The following MAP3K15 variants were observed in gnomAD, a reference collection of about 807,000 sequenced individuals.
MAP3K15 encodes the protein mitogen-activated protein kinase kinase kinase 15, also known as MAPK/ERK kinase kinase 15.
A neutral mutation model predicts 99.5 loss-of-function variants in MAP3K15; 124 were observed. The ratio of observed to expected loss-of-function variants is 1.25; its 90% CI spans 1.08 to 1.45. The LOEUF (loss-of-function observed/expected upper bound fraction) is 1.45. MAP3K15 is among the 40% of genes most tolerant of loss of function. The pLI is 0.00. For synonymous variants in MAP3K15, 494 were observed against 439.6 expected (o/e 1.12, Z -1.55); for missense variants, 1,242 against 1,079.7 (o/e 1.15, Z -2.11).
chrX:19,436,255 T>G (rs1247146744), intron 6 of MAP3K15, among the ~76,000 whole-genome samples: 3 of 111,300 alleles, frequency 2.7e-5, no homozygotes, highest in Non-Finnish European at 5.7e-5. Context: ...CATGCTGGAC[T>G]TTCTGCGTCA....
chrX:19,384,208 A>T (rs2063478867), intron 18 of MAP3K15, among the ~76,000 whole-genome samples: 1 of 111,503 alleles, frequency 9.0e-6, no homozygotes, highest in Admixed American at 9.6e-5. Context: ...ACTGGAGATC[A>T]TTATATAAAG....
chrX:19,408,784 G>A, intron 12 of MAP3K15, among the ~76,000 whole-genome samples: 1 of 112,317 alleles, frequency 8.9e-6, no homozygotes, highest in East Asian at 2.8e-4. Context: ...ACACTGGGTG[G>A]AGATGGACCA....
intron 7 of MAP3K15, among the ~76,000 whole-genome samples, chrX:19,429,393 G>A (rs150232152): frequency 9.7e-4 from 107 of 110,504 alleles, no homozygotes; most frequent in African/African-American, 3.3e-3. Flanking sequence ...AAGAAGGCTC[G>A]CAGAAGGGCT....
chrX:19,361,928 A>C (rs1356454379), intron 26 of MAP3K15, among the ~76,000 whole-genome samples: 3 of 112,239 alleles, frequency 2.7e-5, no homozygotes, highest in Non-Finnish European at 5.6e-5. Context: ...AATAGGTTTT[A>C]GTGTTGAGGT....
In MAP3K15 at chrX:19,396,262, A is replaced by G. The variant is rs769785823; in HGVS notation, c.2067-1054T>C. On this transcript the variant is annotated intron_variant, in intron 15 of 28. Coordinates refer to ENST00000338883, the MANE Select transcript of MAP3K15 (RefSeq NM_001001671.4). The stretch of plus-strand genomic sequence containing the variant: ...AGAAAGTACCTATCATCATAAGTTC[A>G]GCCTATAAATTTAGGGAGTTGAACA... 1.2e-3 allele frequency among the ~76,000 whole-genome samples: 134 copies of G among 112,150 alleles called. 1 individual carries two copies. The highest frequency in any genetic ancestry group is 4.0e-3 in the African/African-American group (124 of 30,899).
chrX:19,490,264 T>G (rs1241496254), intron 1 of MAP3K15, among the ~76,000 whole-genome samples: 1 of 111,163 alleles, frequency 9.0e-6, no homozygotes, highest in Non-Finnish European at 1.9e-5. Flanking sequence ...TTGCATTGTA[T>G]GTATTCTTCA....
rs182054795 is a variant in MAP3K15 at position 19,418,271 on chromosome X, G to C, written c.1440-3014C>G. On this transcript the variant is annotated intron_variant, in intron 9 of 28. Coordinates refer to ENST00000338883, the MANE Select transcript of MAP3K15 (RefSeq NM_001001671.4). ...GCTAAAGGAGGAAGTTCGAACCCATGGCAAAGAAGTTAAAAACCTTGAAAA... is the reference window on the plus strand; with the variant it reads ...GCTAAAGGAGGAAGTTCGAACCCATCGCAAAGAAGTTAAAAACCTTGAAAA... Among the ~76,000 whole-genome samples, 499 of 111,112 alleles carry C rather than the reference G, an allele frequency of 4.5e-3. 2 individuals are homozygous for C. Among genetic ancestry groups the C allele is most frequent in the African/African-American group, 0.015 (468 of 30,578 alleles).
chrX:19,474,520 G>A (rs1474281610), intron 3 of MAP3K15, among the ~76,000 whole-genome samples: 1 of 72,859 alleles, frequency 1.4e-5, no homozygotes, highest in African/African-American at 5.3e-5. Flanking sequence ...TTCTAAACCT[G>A]AGATCCAGTC....
At chrX:19,425,743 T>C (rs981793584) in intron 8 of MAP3K15, 53 bp from the exon 9 acceptor site, 11 of 1,069,692 alleles carry the variant, frequency 1.0e-5, no homozygotes, top group African/African-American at 9.2e-5. Context: ...GTTTCTGTCA[T>C]ACTGAGGATA....
chrX:19,420,199 T>A (rs1321295785), intron 9 of MAP3K15, among the ~76,000 whole-genome samples: 2 of 110,394 alleles, frequency 1.8e-5, no homozygotes, highest in Non-Finnish European at 3.8e-5. Flanking sequence ...AGAGCAGAAC[T>A]GAAGGAAATA....
chrX:19,387,107 G>A (rs1279949848), intron 18 of MAP3K15, among the ~76,000 whole-genome samples: 1 of 112,205 alleles, frequency 8.9e-6, no homozygotes, highest in Non-Finnish European at 1.9e-5. Flanking sequence ...TAAGCCTGGT[G>A]GAAAGGTGGC....
At chrX:19,432,690 A>G (rs1009058150) in intron 6 of MAP3K15, among the ~76,000 whole-genome samples, 1 of 110,195 alleles carries the variant, frequency 9.1e-6, no homozygotes, top group African/African-American at 3.3e-5. Context: ...TGATAATGTA[A>G]TCATGACTAT....
chrX:19,426,818 C>CAAAAAAAAAAAAAAAAA (rs746106862), intron 7 of MAP3K15, among the ~76,000 whole-genome samples: 5 of 21,149 alleles, frequency 2.4e-4, no homozygotes, highest in Non-Finnish European at 2.4e-4. Flanking sequence ...AATCTGTCTC[C>CAAAAAAAAAAAAAAAAA]AAAAAAAAAA....
Position 19,426,290 on chromosome X carries a change from G to T in MAP3K15, c.1220C>A (p.Ala407Glu). Residue 407 changes from alanine to glutamate, a missense_variant, in exon 8 of 29, where the codon GCA becomes GAA. Physicochemically the swap from Ala to Glu is moderately radical, Grantham distance 107 (BLOSUM62 -1). Coordinates refer to ENST00000338883, the MANE Select transcript of MAP3K15 (RefSeq NM_001001671.4). ...TTGTCCAGCAACAATCAGCAAAACT[G>T]CAAGATTAATTCCCGAATAGAGGGA... ...QSSLYSGINL[A>E]VLLIVAGQQF... 3 of 1,172,076 alleles carry T rather than the reference G, an allele frequency of 2.6e-6. No homozygotes were observed. Among genetic ancestry groups the T allele is most frequent in the Non-Finnish European group, 1.1e-6 (1 of 880,028 alleles).
chrX:19,384,699 C>T (rs2063481948), intron 18 of MAP3K15, among the ~76,000 whole-genome samples: 2 of 92,863 alleles, frequency 2.2e-5, no homozygotes, highest in African/African-American at 8.5e-5. Context: ...ACTGAGATCA[C>T]GCCACTGCCC....
chrX:19,430,296 T>C (rs998494944), intron 7 of MAP3K15, among the ~76,000 whole-genome samples: 2 of 111,661 alleles, frequency 1.8e-5, no homozygotes, highest in Non-Finnish European at 3.8e-5. Context: ...AGAAAGCTGG[T>C]CTACCAGGAT....
chrX:19,452,540 C>CTA (rs1314583357), intron 6 of MAP3K15, among the ~76,000 whole-genome samples: 1 of 112,183 alleles, frequency 8.9e-6, no homozygotes, highest in African/African-American at 3.2e-5. Flanking sequence ...TATTTGCACA[C>CTA]TATGTTAATA....
chrX:19,500,164 T>C (rs1367034012), intron 1 of MAP3K15, among the ~76,000 whole-genome samples: 1 of 111,678 alleles, frequency 9.0e-6, no homozygotes, highest in Non-Finnish European at 1.9e-5. Context: ...AGAGAATCGC[T>C]TGAACTTGGG....
At chrX:19,434,128 C>T (rs1412562436) in intron 6 of MAP3K15, among the ~76,000 whole-genome samples, 1 of 112,142 alleles carries the variant, frequency 8.9e-6, no homozygotes, top group Admixed American at 9.5e-5. Context: ...TTCAGAAAAT[C>T]ATTGCTGGGA....
Sources: allele counts gnomAD v4.1 joint callset (sites outside exome capture counted in the v4.1 genomes callset), GRCh38; gene constraint gnomAD v4.1.1; transcripts MANE v1.5; gene names NCBI Gene and HGNC (gene_info 2026-07-23, HGNC 2026-07-21).